ABI3BP: variants seen among roughly 807,000 people sequenced by gnomAD.
ABI3BP encodes the protein target of Nesh-SH3.
In ABI3BP, 216 loss-of-function variants were observed where a neutral mutation model predicts 268.6. That is an observed-to-expected ratio of 0.80 (90% CI 0.72 to 0.90). The LOEUF (loss-of-function observed/expected upper bound fraction) is 0.90. ABI3BP is among the 40% of genes least tolerant of loss of function. The pLI is 0.00. For synonymous variants in ABI3BP, 730 were observed against 730.0 expected (o/e 1.00, Z 0.00); for missense variants, 2,090 against 2,182.4 (o/e 0.96, Z 0.84).
intron 2 of ABI3BP, among the ~76,000 whole-genome samples, chr3:100,907,845 G>T (rs1402993716): frequency 6.6e-6 from 1 of 152,154 alleles, no homozygotes; most frequent in African/African-American, 2.4e-5. Context: ...GCCGGGAGTG[G>T]TAGCTCACGC....
chr3:100,789,265 A>C (rs1294715492), intron 56 of ABI3BP, among the ~76,000 whole-genome samples, 189 bp downstream of exon 56: 1 of 152,074 alleles, frequency 6.6e-6, no homozygotes, highest in East Asian at 1.9e-4. Flanking sequence ...ATTATCCTCA[A>C]AATCCTTAGT....
chr3:100,976,542 G>T (rs2086301126), intron 1 of ABI3BP, among the ~76,000 whole-genome samples: 1 of 152,154 alleles, frequency 6.6e-6, no homozygotes, highest in South Asian at 2.1e-4. Flanking sequence ...CACCAGGATG[G>T]TAACCATTTT....
At chr3:100,861,458 C>G (rs1483422661) in intron 14 of ABI3BP, among the ~76,000 whole-genome samples, 1 of 151,978 alleles carries the variant, frequency 6.6e-6, no homozygotes. Context: ...CAAATAAAGT[C>G]AAAACAACTA....
At chr3:100,756,772 T>A (rs2149384788) in intron 63 of ABI3BP, among the ~76,000 whole-genome samples, 1 of 106,332 alleles carries the variant, frequency 9.4e-6, no homozygotes, top group East Asian at 2.3e-4. Flanking sequence ...AAGCTACTTT[T>A]TGGGTTTTTT....
At chr3:100,850,936 A>G (rs2098830606) in intron 15 of ABI3BP, among the ~76,000 whole-genome samples, 1 of 152,228 alleles carries the variant, frequency 6.6e-6, no homozygotes, top group Admixed American at 6.5e-5. Flanking sequence ...TTTAAATATT[A>G]GAAACCATGA....
chr3:100,928,569 T>C (rs2062613813), intron 1 of ABI3BP, among the ~76,000 whole-genome samples: 1 of 152,144 alleles, frequency 6.6e-6, no homozygotes, highest in African/African-American at 2.4e-5. Flanking sequence ...TTTCCATGTA[T>C]GTGCATAGTA....
In ABI3BP at chr3:100,789,640, A is replaced by G. The variant is rs1158288766; in HGVS notation, c.4025-124T>C. On this transcript the variant is annotated intron_variant, in intron 55 of 67. Coordinates refer to ENST00000471714, the MANE Select transcript of ABI3BP (RefSeq NM_001375547.2). ...TGGACGTATAAAGAAGGTTCAGAAA[A>G]TTCCCATTATGCATTATAGACTTCA... 15 of 847,412 alleles carry G rather than the reference A, an allele frequency of 1.8e-5. No homozygotes were observed. The South Asian group carries it at 2.5e-4, about 14-fold the overall frequency. The allele number at this position is 847,412 out of a possible 1,614,324, so 52.5% of individuals were successfully genotyped here.
intron 20 of ABI3BP, among the ~76,000 whole-genome samples, chr3:100,842,748 G>T (rs1439257708): frequency 4.6e-5 from 7 of 152,032 alleles, no homozygotes; most frequent in Non-Finnish European, 8.8e-5. Flanking sequence ...GTTGAATTTA[G>T]CTTGGTTACA....
At chr3:100,764,797 A>G (rs545980155) in intron 63 of ABI3BP, among the ~76,000 whole-genome samples, 1 of 152,376 alleles carries the variant, frequency 6.6e-6, no homozygotes, top group South Asian at 2.1e-4. Context: ...AGGAAACAGA[A>G]CAAAGAGCAA....
In ABI3BP at chr3:100,848,790, G is replaced by GTTGGTAAAAACC; in HGVS notation, c.1576+10_1576+11insGGTTTTTACCAA. 1 of 1,604,692 alleles carries GTTGGTAAAAACC rather than the reference G, an allele frequency of 6.2e-7. No individual in the cohort carries two copies. ...GAATTACATATCATGTAAATATAAA[G>GTTGGTAAAAACC]AGACATTTACCAGGTTTGGTTCTTG... is the stretch of plus-strand genomic sequence containing the variant. On this transcript the variant is annotated intron_variant, in intron 18 of 67. Coordinates refer to ENST00000471714, the MANE Select transcript of ABI3BP (RefSeq NM_001375547.2).
At position 100,985,141 on chromosome 3, in the gene ABI3BP, CTTTTTTTTTTTTTT is replaced by C. The variant is rs1172049956; in HGVS notation, c.79+8151_79+8164del. Among the ~76,000 whole-genome samples, 63 of 79,846 alleles carry C rather than the reference CTTTTTTTTTTTTTT, an allele frequency of 7.9e-4. 1 individual carries two copies. Among genetic ancestry groups the C allele is most frequent in the African/African-American group, 3.0e-3 (60 of 19,888 alleles). 52.4% of individuals were successfully genotyped at this position (79,846 alleles called of 152,430 possible). Reference sequence around the variant, plus strand: ...ACTCCACTGAAGTTTCAGAAAAGCACTTTTTTTTTTTTTTTTTTTTTTTTTGGAGACAGAGTCTT... The same window carrying C: ...ACTCCACTGAAGTTTCAGAAAAGCACTTTTTTTTTTTGGAGACAGAGTCTT... On this transcript the variant is annotated intron_variant, in intron 1 of 67. Transcript: ENST00000471714.
At chr3:100,823,629 AT>A in intron 36 of ABI3BP, 115 bp from the exon 37 acceptor site, 2 of 787,024 alleles carry the variant, frequency 2.5e-6, no homozygotes, top group Non-Finnish European at 3.9e-6. Context: ...CAAAAAAAAA[AT>A]TAACTTCTTA....
At chr3:100,957,668 G>A (rs2077296227) in intron 1 of ABI3BP, among the ~76,000 whole-genome samples, 2 of 152,150 alleles carry the variant, frequency 1.3e-5, no homozygotes. Context: ...AGACTTAATA[G>A]CAGCCAGTGA....
chr3:100,898,912 A>G lies in ABI3BP; in HGVS notation c.329-18T>C. The G allele has an allele frequency of 6.3e-7, 1 of 1,590,622 alleles. No individual in the cohort carries two copies. The highest frequency in any genetic ancestry group is 8.6e-7 in the Non-Finnish European group (1 of 1,169,360). ...AGTTTTACCTGTGGAGGTGGCATAGAGGTTAATAATTCAGGAGACATTTAG... is the reference window on the plus strand; with the variant it reads ...AGTTTTACCTGTGGAGGTGGCATAGGGGTTAATAATTCAGGAGACATTTAG... On this transcript the variant is annotated intron_variant, in intron 3 of 67. Transcript: ENST00000471714.
At chr3:100,888,879 T>C (rs1423563850) in intron 4 of ABI3BP, among the ~76,000 whole-genome samples, 1 of 150,622 alleles carries the variant, frequency 6.6e-6, no homozygotes, top group Non-Finnish European at 1.5e-5. Context: ...GTGAAGTAAA[T>C]TTTCATTGAT....
intron 2 of ABI3BP, among the ~76,000 whole-genome samples, chr3:100,904,670 TC>T (rs529114048): frequency 1.0e-3 from 158 of 152,326 alleles, no homozygotes; most frequent in Non-Finnish European, 1.9e-3. Context: ...ATGAATATCA[TC>T]GCTGGCCATC....
chr3:100,869,920 A>G (rs2099093809), intron 9 of ABI3BP, among the ~76,000 whole-genome samples: 1 of 152,170 alleles, frequency 6.6e-6, no homozygotes, highest in African/African-American at 2.4e-5. Flanking sequence ...GACTTTGGCA[A>G]ACCCTTTGTA....
At chr3:100,754,744 G>T in intron 63 of ABI3BP, 53 bp from the exon 64 acceptor site, 2 of 1,424,224 alleles carry the variant, frequency 1.4e-6, no homozygotes, top group Non-Finnish European at 1.9e-6. Flanking sequence ...AGGGCTAGGA[G>T]GCAACATTGC....
At chr3:100,839,467 CT>C in intron 24 of ABI3BP, 101 bp downstream of exon 24, 3 of 1,224,084 alleles carry the variant, frequency 2.5e-6, no homozygotes, top group Non-Finnish European at 3.5e-6. Flanking sequence ...TGGGATGAAA[CT>C]GTGATGAGGT....
Sources: gnomAD v4.1 joint callset for allele counts (sites outside exome capture counted in the v4.1 genomes callset) on GRCh38, gnomAD v4.1.1 for gene constraint, MANE v1.5 for transcripts, NCBI Gene and HGNC (gene_info 2026-07-23, HGNC 2026-07-21) for gene names.